Variants in MAST4 observed in about 807,000 individuals in gnomAD.
MAST4 encodes the protein microtubule-associated serine/threonine-protein kinase 4.
MAST4 carries 89 observed loss-of-function variants against 162.7 expected under a neutral mutation model. The observed-to-expected ratio is 0.55, with a 90% CI of 0.46 to 0.65. The LOEUF is 0.65. Among genes scored for constraint, MAST4 ranks in the 30% least tolerant of loss-of-function variants. The pLI is 0.00. For synonymous variants in MAST4, 1,479 were observed against 1,361.1 expected (o/e 1.09, Z -1.91); for missense variants, 3,153 against 3,374.0 (o/e 0.93, Z 1.62).
At chr5:66,788,888 C>T in intron 3 of MAST4, 94 bp downstream of exon 3, 5 of 1,369,852 alleles carry the variant, frequency 3.7e-6, no homozygotes, top group Non-Finnish European at 4.8e-6. Context: ...TTTAAACTTA[C>T]CCACATGTGA....
chr5:67,160,588 G>T lies in MAST4; in HGVS notation c.3781G>T (p.Glu1261Ter). 6.2e-7 allele frequency: 1 copy of T among 1,613,300 alleles called. No homozygotes were observed. The highest frequency in any genetic ancestry group is 8.5e-7 in the Non-Finnish European group (1 of 1,179,680). Residue 1261 changes from glutamate to a stop codon, truncating the protein, a stop_gained, in exon 27 of 29, where the codon GAA becomes TAA. Coordinates refer to ENST00000403625, the MANE Select transcript of MAST4 (RefSeq NM_001164664.2). LOFTEE classifies it high-confidence loss of function. ...GAAATCCAAGAAGAAAGAAAGTCTC[G>T]AAAGGTTAGTAAAATCAGTATTCTT... Reference protein sequence around the residue: ...SKKSKKKESLERRRSLFKKLA... With the variant: ...SKKSKKKESL
At chr5:66,935,377 G>A (rs1331154617) in intron 4 of MAST4, among the ~76,000 whole-genome samples, 1 of 152,060 alleles carries the variant, frequency 6.6e-6, no homozygotes, top group Non-Finnish European at 1.5e-5. Flanking sequence ...CATCTTCTAG[G>A]GTACCTATGG....
intron 4 of MAST4, among the ~76,000 whole-genome samples, chr5:66,987,206 T>C (rs1749609777): frequency 6.6e-6 from 1 of 152,190 alleles, no homozygotes; most frequent in Non-Finnish European, 1.5e-5. Flanking sequence ...TTCTGTGTCT[T>C]GAAGGTGACA....
chr5:67,103,220 A>G (rs902803973), intron 9 of MAST4, among the ~76,000 whole-genome samples: 4 of 152,232 alleles, frequency 2.6e-5, no homozygotes, highest in Non-Finnish European at 4.4e-5. Flanking sequence ...AGATGGTCCC[A>G]TTAGCTCACC....
intron 5 of MAST4, among the ~76,000 whole-genome samples, chr5:67,074,728 T>A (rs1470227185): frequency 3.3e-5 from 5 of 152,212 alleles, no homozygotes; most frequent in Non-Finnish European, 7.3e-5. Context: ...GAAAGTATAT[T>A]TGTATATACG....
intron 3 of MAST4, among the ~76,000 whole-genome samples, chr5:66,796,497 ATGGGTCTCTGCG>A (rs1223193566): frequency 6.6e-6 from 1 of 152,088 alleles, no homozygotes; most frequent in East Asian, 1.9e-4. Context: ...AGCTCTCTGC[ATGGGTCTCTGCG>A]TGGGTGTGCC....
At chr5:66,705,146 A>G (rs1363143031) in intron 1 of MAST4, among the ~76,000 whole-genome samples, 1 of 152,202 alleles carries the variant, frequency 6.6e-6, no homozygotes, top group East Asian at 1.9e-4. Flanking sequence ...AAATTGGAGG[A>G]TCAGGTTTCC....
At chr5:66,603,175 G>A (rs567454636) in intron 1 of MAST4, among the ~76,000 whole-genome samples, 1 of 152,256 alleles carries the variant, frequency 6.6e-6, no homozygotes, top group South Asian at 2.1e-4. Context: ...TCATGAGTAG[G>A]TAGATATGTA....
Position 67,142,442 on chromosome 5 carries a change from A to G in MAST4, c.2639A>G (p.His880Arg). ...GCAGCTCGGTCTGAGAAGTATCATC[A>G]TATGGAAACGGAGGAAGAAGATGAC... is the stretch of plus-strand genomic sequence containing the variant. ...YFDTRSEKYH[H>R]METEEEDDTN... is the part of the protein sequence containing the mutation. The change falls in exon 21 of 29, where the codon CAT (histidine) becomes CGT (arginine). Residue 880 changes from histidine (H) to arginine (R), a missense_variant. Physicochemically the swap from His to Arg is conservative, Grantham distance 29. Transcript: ENST00000403625. The G allele has an allele frequency of 6.2e-7, 1 of 1,600,292 alleles. No homozygotes were observed. Among genetic ancestry groups the G allele is most frequent in the South Asian group, 1.1e-5 (1 of 88,338 alleles).
chr5:66,881,600 C>G (rs933256643), intron 3 of MAST4, among the ~76,000 whole-genome samples: 1 of 152,152 alleles, frequency 6.6e-6, no homozygotes, highest in Non-Finnish European at 1.5e-5. Context: ...AATTTGTTGA[C>G]TTTTCCCAGT....
intron 5 of MAST4, among the ~76,000 whole-genome samples, chr5:67,066,237 A>G (rs1039672682): frequency 1.3e-5 from 2 of 152,070 alleles, no homozygotes; most frequent in African/African-American, 4.8e-5. Context: ...AGAAGAATTG[A>G]AAAATCATCT....
At chr5:66,815,301 TTCCCC>T (rs1456357799) in intron 3 of MAST4, among the ~76,000 whole-genome samples, 1 of 152,228 alleles carries the variant, frequency 6.6e-6, no homozygotes, top group African/African-American at 2.4e-5. Flanking sequence ...TAGTAACATA[TTCCCC>T]CCTTATCTGA....
intron 1 of MAST4, among the ~76,000 whole-genome samples, chr5:66,615,310 G>T (rs1380218503): frequency 6.6e-6 from 1 of 152,136 alleles, no homozygotes; most frequent in Non-Finnish European, 1.5e-5. Context: ...GGTCTGGGGA[G>T]GCTGGACTTT....
intron 4 of MAST4, among the ~76,000 whole-genome samples, chr5:66,916,020 G>C (rs1764096091): frequency 6.6e-6 from 1 of 152,168 alleles, no homozygotes; most frequent in Non-Finnish European, 1.5e-5. Context: ...TGGCTCTCAA[G>C]CTCTTGCAAT....
chr5:66,928,730 T>G (rs1432397719), intron 4 of MAST4, among the ~76,000 whole-genome samples: 5 of 152,068 alleles, frequency 3.3e-5, no homozygotes, highest in Non-Finnish European at 7.4e-5. Flanking sequence ...GAAATAGGGG[T>G]TGGTCAGGAC....
At chr5:66,911,377 A>G (rs1763747058) in intron 4 of MAST4, among the ~76,000 whole-genome samples, 1 of 152,182 alleles carries the variant, frequency 6.6e-6, no homozygotes, top group Non-Finnish European at 1.5e-5. Flanking sequence ...AGACAGACAT[A>G]TTTAAAACTT....
At chr5:66,929,362 T>C (rs968960909) in intron 4 of MAST4, among the ~76,000 whole-genome samples, 7 of 152,166 alleles carry the variant, frequency 4.6e-5, no homozygotes, top group Non-Finnish European at 7.4e-5. Context: ...TGGGCCACCA[T>C]CTGATTGGGT....
At position 66,919,959 on chromosome 5, in the gene MAST4, TC is replaced by T. The variant is rs60816459; in HGVS notation, c.674+19979del. On this transcript the variant is annotated intron_variant, in intron 4 of 28. Coordinates refer to ENST00000403625, the MANE Select transcript of MAST4 (RefSeq NM_001164664.2). The stretch of plus-strand genomic sequence containing the variant: ...TTCCTTCCTTCCTTCCTTCCTTCCT[TC>T]CTTCCTTCCTTCCTTCTTTCTCTCT... 3.9e-3 allele frequency among the ~76,000 whole-genome samples: 439 copies of T among 113,038 alleles called. 11 individuals are homozygous for T. Among genetic ancestry groups the T allele is most frequent in the African/African-American group, 0.014 (352 of 25,480 alleles). The allele number at this position is 113,038 out of a possible 152,430, so 74.2% of individuals were successfully genotyped here.
At chr5:66,623,800 A>C (rs1234696648) in intron 1 of MAST4, among the ~76,000 whole-genome samples, 1 of 152,218 alleles carries the variant, frequency 6.6e-6, no homozygotes, top group Non-Finnish European at 1.5e-5. Flanking sequence ...AAGGCATTCA[A>C]ATTGGAAGGG....
Sources: gnomAD v4.1 joint callset for allele counts (sites outside exome capture counted in the v4.1 genomes callset) on GRCh38, gnomAD v4.1.1 for gene constraint, MANE v1.5 for transcripts, NCBI Gene and HGNC (gene_info 2026-07-23, HGNC 2026-07-21) for gene names.